IVD: variants seen among roughly 807,000 people sequenced by gnomAD.
The protein encoded by IVD is isovaleryl-CoA dehydrogenase, mitochondrial.
IVD carries 31 observed loss-of-function variants against 51.3 expected under a neutral mutation model. The observed-to-expected ratio is 0.60, with a 90% confidence interval of 0.45 to 0.81. The LOEUF (loss-of-function observed/expected upper bound fraction) is 0.81. Ranked by LOEUF, IVD falls within the 40% of genes least tolerant of loss-of-function variation. The probability of loss-of-function intolerance (pLI) is 0.00; values close to 1 mark genes in which losing one functional copy is unlikely to be tolerated. For missense variants in IVD, 475 were observed against 552.0 expected (o/e 0.86, Z 1.40); for synonymous variants, 205 against 219.4 (o/e 0.93, Z 0.58).
downstream of IVD, among the ~76,000 whole-genome samples, chr15:40,427,117 C>T (rs1028444041): frequency 3.3e-5 from 5 of 152,192 alleles, no homozygotes; most frequent in Admixed American, 2.6e-4. Context: ...GCAGTACCTC[C>T]GCTCCTCAAA....
chr15:40,411,034 A>G (rs1891017874), intron 4 of IVD, among the ~76,000 whole-genome samples: 1 of 152,226 alleles, frequency 6.6e-6, no homozygotes, highest in Non-Finnish European at 1.5e-5. Context: ...AACTCTAAGA[A>G]ATGGAAGAGT....
intron 7 of IVD, 33 bp downstream of exon 7, chr15:40,413,120 C>T (rs1891259794): frequency 6.5e-7 from 1 of 1,531,928 alleles, no homozygotes. Context: ...GAGCCCCTCT[C>T]CTGACCCCCT....
Position 40,421,088 on chromosome 15 carries a change from T to C in IVD, c.*2825T>C. On this transcript the variant is annotated 3_prime_UTR_variant, in exon 12 of 12. Coordinates refer to ENST00000487418, the MANE Select transcript of IVD (RefSeq NM_002225.5). ...TCATAGGCAGTCCCTTTCACTTCCT[T>C]GTCTTGCTCCCTGCTATGTTGGAGA... 1 of 985,420 alleles carries C rather than the reference T, an allele frequency of 1.0e-6. No individual in the cohort carries two copies. 61.0% of individuals were successfully genotyped at this position (985,420 alleles called of 1,614,324 possible). A position where few individuals can be genotyped will look rare whatever the true frequency, so the allele number is the denominator to read the frequency against.
In IVD at chr15:40,420,566, A is replaced by T; in HGVS notation, c.*2303A>T. On this transcript the variant is annotated 3_prime_UTR_variant, in exon 12 of 12. Coordinates refer to ENST00000487418, the MANE Select transcript of IVD (RefSeq NM_002225.5). Reference sequence around the variant, plus strand: ...CCTCCAGCCCGTTCTTTCATGAGGGACAGGAAGGTAAAATCAGCCCTTAGG... The same window carrying T: ...CCTCCAGCCCGTTCTTTCATGAGGGTCAGGAAGGTAAAATCAGCCCTTAGG... 1 of 987,498 alleles carries T rather than the reference A, an allele frequency of 1.0e-6. No individual in the cohort carries two copies. Among genetic ancestry groups the T allele is most frequent in the Non-Finnish European group, 1.2e-6 (1 of 830,088 alleles). The allele number at this position is 987,498 out of a possible 1,614,324, so 61.2% of individuals were successfully genotyped here.
At chr15:40,423,464 T>C (rs1034235282), downstream of IVD, among the ~76,000 whole-genome samples, 3 of 152,204 alleles carry the variant, frequency 2.0e-5, no homozygotes, top group African/African-American at 7.2e-5. Flanking sequence ...AGGATAGTTT[T>C]TGTTTTTGTT....
At chr15:40,424,750 A>T (rs143374841), downstream of IVD, among the ~76,000 whole-genome samples, 44 of 152,346 alleles carry the variant, frequency 2.9e-4, no homozygotes, top group African/African-American at 1.0e-3. Flanking sequence ...TTTTGCTGGT[A>T]TACTGTTATT....
chr15:40,411,777 A>G, intron 6 of IVD, 86 bp downstream of exon 6: 2 of 1,502,626 alleles, frequency 1.3e-6, no homozygotes, highest in Middle Eastern at 2.1e-4. Context: ...CTCAAATGGA[A>G]TCAGTGTTGT....
chr15:40,413,178 A>T, intron 7 of IVD, 91 bp downstream of exon 7: 1 of 1,044,628 alleles, frequency 9.6e-7, no homozygotes, highest in Non-Finnish European at 1.5e-6. Flanking sequence ...TCTGGGTTAG[A>T]GAGGCTTGGC....
intron 4 of IVD, 133 bp from the exon 5 acceptor site, chr15:40,411,127 A>G (rs1200054449): frequency 1.8e-5 from 16 of 911,966 alleles, no homozygotes; most frequent in Non-Finnish European, 2.9e-5. Flanking sequence ...AGAGACTTCT[A>G]GGACTTTACC....
chr15:40,411,166 AG>A, intron 4 of IVD, 93 bp from the exon 5 acceptor site: 1 of 1,222,878 alleles, frequency 8.2e-7, no homozygotes, highest in South Asian at 1.2e-5. Flanking sequence ...CGAAGTTTGA[AG>A]GGGTTTAATG....
chr15:40,407,514 T>C, intron 1 of IVD, 122 bp from the exon 2 acceptor site: 1 of 782,934 alleles, frequency 1.3e-6, no homozygotes, highest in Admixed American at 1.8e-5. Context: ...CATAAACTAC[T>C]GAGGCCTCTC....
Position 40,418,914 on chromosome 15 carries a change from C to T in IVD, c.*651C>T, listed in dbSNP as rs1595800036. On this transcript the variant is annotated 3_prime_UTR_variant, in exon 12 of 12. Coordinates refer to ENST00000487418, the MANE Select transcript of IVD (RefSeq NM_002225.5). ...TCAGGAGGCTGAGATGGGTGGATCA[C>T]CTGAGGTCAGGAGTTCAAGACCAGC... 1.9e-6 allele frequency: 1 copy of T among 524,022 alleles called. No homozygotes were observed. Among genetic ancestry groups the T allele is most frequent in the East Asian group, 7.1e-5 (1 of 14,052 alleles). The allele number at this position is 524,022 out of a possible 1,614,324, so 32.5% of individuals were successfully genotyped here.
Position 40,411,256 on chromosome 15 carries a change from G to A in IVD, c.457-4G>A, listed in dbSNP as rs2141328194. On this transcript the variant is annotated splice_polypyrimidine_tract_variant and splice_region_variant and intron_variant, in intron 4 of 11. Coordinates refer to ENST00000487418, the MANE Select transcript of IVD (RefSeq NM_002225.5). ...ACAAGGCCTGTTGGGGGTTTTCCTT[G>A]CAGCTGATCAGTGGTGAGTACATCG... is the stretch of plus-strand genomic sequence containing the variant. 1.9e-6 allele frequency: 3 copies of A among 1,614,092 alleles called. No individual in the cohort carries two copies. Among genetic ancestry groups the A allele is most frequent in the Non-Finnish European group, 2.5e-6 (3 of 1,179,968 alleles).
Position 40,413,010 on chromosome 15 carries a change from C to T in IVD, c.707C>T (p.Thr236Ile), listed in dbSNP as rs146861563. 1.2e-4 allele frequency: 194 copies of T among 1,613,950 alleles called. No homozygotes were observed. The highest frequency in any genetic ancestry group is 1.5e-4 in the Non-Finnish European group (181 of 1,179,938). The change falls in exon 7 of 12, where the codon ACC becomes ATC. Residue 236 changes from threonine (T) to isoleucine (I), a missense_variant. Transcript: ENST00000487418. ...IVEKGMPGFSTSKKLDKLGMR... is the reference protein window; with the variant it reads ...IVEKGMPGFSISKKLDKLGMR... ...GTAAAGGGTATGCCTGGCTTTAGCA[C>T]CTCTAAGAAGCTGGACAAGCTGGGG...
chr15:40,425,891 C>T (rs1036945824), downstream of IVD, among the ~76,000 whole-genome samples: 8 of 151,934 alleles, frequency 5.3e-5, no homozygotes, highest in African/African-American at 1.9e-4. Flanking sequence ...CTAACTGCAG[C>T]CTTGACCTCC....
chr15:40,414,669 G>A, intron 7 of IVD: 4 of 599,876 alleles, frequency 6.7e-6, no homozygotes, highest in Non-Finnish European at 1.2e-5. Flanking sequence ...TAGCCTTTGT[G>A]GTTGGCCTCG....
chr15:40,416,875 C>T (rs1373057839), intron 11 of IVD, among the ~76,000 whole-genome samples: 1 of 152,144 alleles, frequency 6.6e-6, no homozygotes, highest in African/African-American at 2.4e-5. Context: ...CCCCTCTCAT[C>T]CTCCCCGCCT....
chr15:40,427,529 C>A (rs755537761), downstream of IVD, among the ~76,000 whole-genome samples: 34 of 152,184 alleles, frequency 2.2e-4, no homozygotes, highest in African/African-American at 6.3e-4. Flanking sequence ...CAACCTGCCC[C>A]CTCCCGCAAA....
Position 40,406,222 on chromosome 15 carries a change from G to A in IVD, c.144+251G>A, listed in dbSNP as rs545681339. On this transcript the variant is annotated intron_variant, in intron 1 of 11. Coordinates refer to ENST00000487418, the MANE Select transcript of IVD (RefSeq NM_002225.5). ...ACAGTACTGCTGGAAGTAGAGAGGA[G>A]GAGTCGAGGCTGGGAGAGCTCCTGA... 7.8e-5 allele frequency: 118 copies of A among 1,511,752 alleles called. No individual in the cohort carries two copies. The African/African-American group carries it at 1.5e-3, about 19-fold the overall frequency. The allele number at this position is 1,511,752 out of a possible 1,614,324, so 93.6% of individuals were successfully genotyped here.
Sources: allele counts gnomAD v4.1 joint callset (sites outside exome capture counted in the v4.1 genomes callset), GRCh38; gene constraint gnomAD v4.1.1; transcripts MANE v1.5; gene names NCBI Gene and HGNC (gene_info 2026-07-23, HGNC 2026-07-21).